SF3B3: variants seen among roughly 807,000 people sequenced by gnomAD.
SF3B3 encodes SAP 130.
Under a neutral mutation model 139.2 loss-of-function variants are expected in SF3B3, and 33 were observed. The observed-to-expected ratio is 0.24, with a 90% CI of 0.18 to 0.32. The LOEUF (loss-of-function observed/expected upper bound fraction) is 0.32. Ranked by LOEUF, SF3B3 falls within the 10% of genes least tolerant of loss-of-function variation. The pLI, the probability that SF3B3 is intolerant of heterozygous loss-of-function variation, is 1.00. For missense variants in SF3B3, 818 were observed against 1,509.4 expected (o/e 0.54, Z 7.59); for synonymous variants, 596 against 563.6 (o/e 1.06, Z -0.81).
At position 70,560,502 on chromosome 16, in the gene SF3B3, G is replaced by A; in HGVS notation, c.2044G>A (p.Val682Ile). The stretch of plus-strand genomic sequence containing the variant: ...GCTGCTGAGGACTGTCTTGGACCCT[G>A]TCACTGGGGATTTGTCTGATACTCG... ...GVLLRTVLDP[V>I]TGDLSDTRTR... Residue 682 changes from valine (V) to isoleucine (I), a missense_variant, in exon 16 of 26, where the codon GTC becomes ATC. By Grantham distance (29) the Val-to-Ile change is conservative. Transcript: ENST00000302516. The A allele has an allele frequency of 6.2e-7, 1 of 1,613,944 alleles. No homozygotes were observed. The highest frequency in any genetic ancestry group is 1.3e-5 in the African/African-American group (1 of 75,028).
chr16:70,552,506 G>C (rs1168667994), intron 11 of SF3B3, among the ~76,000 whole-genome samples: 4 of 152,156 alleles, frequency 2.6e-5, no homozygotes, highest in Non-Finnish European at 5.9e-5. Flanking sequence ...ATAGTGAGTA[G>C]TGCTTAGTCT....
Position 70,568,268 on chromosome 16 carries a change from CTT to C in SF3B3, c.2953-13_2953-12del. 6.3e-7 allele frequency: 1 copy of C among 1,590,240 alleles called. No homozygotes were observed. Among genetic ancestry groups the C allele is most frequent in the Non-Finnish European group, 8.6e-7 (1 of 1,158,578 alleles). The stretch of plus-strand genomic sequence containing the variant: ...AGATTACACCCACCATCACTATTGT[CTT>C]TGTTTTTCCCAGCATATTGCCAATT... On this transcript the variant is annotated splice_polypyrimidine_tract_variant and intron_variant, in intron 21 of 25. Coordinates refer to ENST00000302516, the MANE Select transcript of SF3B3 (RefSeq NM_012426.5).
At chr16:70,524,404 C>T (rs1025372890) in intron 1 of SF3B3, 2 of 152,432 alleles carry the variant, frequency 1.3e-5, no homozygotes, top group Non-Finnish European at 2.9e-5. Context: ...TAATGGAGGA[C>T]AGAGTTTAAA....
At chr16:70,528,459 G>A (rs2050086986) in intron 2 of SF3B3, among the ~76,000 whole-genome samples, 1 of 139,250 alleles carries the variant, frequency 7.2e-6, no homozygotes, top group Non-Finnish European at 1.5e-5. Flanking sequence ...GCCACTGTGC[G>A]TGGCCTTTTT....
intron 17 of SF3B3, among the ~76,000 whole-genome samples, chr16:70,562,442 T>G (rs1480928455): frequency 6.6e-6 from 1 of 152,218 alleles, no homozygotes; most frequent in Non-Finnish European, 1.5e-5. Context: ...AAAATTTCTT[T>G]GCAACAACTT....
chr16:70,570,300 C>T (rs2151795977), intron 24 of SF3B3, 151 bp downstream of exon 24: 7 of 563,038 alleles, frequency 1.2e-5, no homozygotes, highest in South Asian at 2.6e-5. Flanking sequence ...AGATAGGAAT[C>T]TTGATTCTCC....
In SF3B3 at chr16:70,535,360, T is replaced by C; in HGVS notation, c.765T>C (p.Tyr255=). 1 of 1,612,372 alleles carries C rather than the reference T, an allele frequency of 6.2e-7. No homozygotes were observed. The highest frequency in any genetic ancestry group is 8.5e-7 in the Non-Finnish European group (1 of 1,179,060). Residue 255 remains tyrosine, a synonymous_variant, in exon 6 of 26, where the codon TAT becomes TAC. Coordinates refer to ENST00000302516, the MANE Select transcript of SF3B3 (RefSeq NM_012426.5). ...GAGTACTGATCTGCTCTGAAAACTA[T>C]ATTACTTACAAGAACTTTGGTGACC... is the stretch of plus-strand genomic sequence containing the variant. ...PSGVLICSEN[Y]ITYKNFGDQP... is the part of the protein sequence containing the mutation.
At chr16:70,556,748 T>G in intron 14 of SF3B3, 138 bp from the exon 15 acceptor site, 1 of 830,680 alleles carries the variant, frequency 1.2e-6, no homozygotes, top group Non-Finnish European at 1.9e-6. Context: ...AACTCAGTAC[T>G]CTCTTAGAAC....
intron 11 of SF3B3, among the ~76,000 whole-genome samples, chr16:70,551,777 C>T (rs1243321928): frequency 6.6e-6 from 1 of 152,112 alleles, no homozygotes; most frequent in African/African-American, 2.4e-5. Flanking sequence ...CTCCTGAACT[C>T]AAATGATCCT....
chr16:70,556,668 T>G, intron 14 of SF3B3: 1 of 616,046 alleles, frequency 1.6e-6, no homozygotes, highest in Non-Finnish European at 2.8e-6. Context: ...ACCTTTGCCA[T>G]TATCTTCTTT....
chr16:70,524,035 G>C (rs1357416447), intron 1 of SF3B3, 107 bp downstream of exon 1: 1 of 401,538 alleles, frequency 2.5e-6, no homozygotes, highest in African/African-American at 2.1e-5. Context: ...CTAGGCCCGA[G>C]AGGCTGGGGA....
chr16:70,556,085 C>T, intron 13 of SF3B3, 94 bp from the exon 14 acceptor site: 1 of 1,273,804 alleles, frequency 7.9e-7, no homozygotes, highest in Non-Finnish European at 1.1e-6. Context: ...CAACAGCCCT[C>T]CTTCATTCTC....
chr16:70,532,365 A>AAAAAAAAAAAAAAAAAAAAAG (rs1159104206), intron 4 of SF3B3, 114 bp from the exon 5 acceptor site: 1 of 832,700 alleles, frequency 1.2e-6, no homozygotes, highest in African/African-American at 1.9e-5. Flanking sequence ...TCCAAAAAAA[A>AAAAAAAAAAAAAAAAAAAAAG]AAGAAGACAT....
chr16:70,529,238 A>G (rs771244721), intron 3 of SF3B3, 39 bp downstream of exon 3: 5 of 1,526,316 alleles, frequency 3.3e-6, no homozygotes, highest in Non-Finnish European at 4.5e-6. Context: ...TGCCTAGTTT[A>G]GGATAACAAT....
intron 23 of SF3B3, among the ~76,000 whole-genome samples, chr16:70,569,707 G>A (rs2050510222): frequency 6.6e-6 from 1 of 152,114 alleles, no homozygotes; most frequent in South Asian, 2.1e-4. Flanking sequence ...ACAGATCACT[G>A]CAGCTTCCAC....
intron 15 of SF3B3, among the ~76,000 whole-genome samples, chr16:70,558,081 A>G (rs2050394757): frequency 6.6e-6 from 1 of 152,108 alleles, no homozygotes; most frequent in Non-Finnish European, 1.5e-5. Context: ...ACAAGATCAG[A>G]TCATTTGTCT....
At position 70,536,595 on chromosome 16, in the gene SF3B3, G is replaced by A. The variant is rs556813791; in HGVS notation, c.825+1175G>A. ...ACCGTGATCTCAATTTCCTGACCTC[G>A]TGATCTGCCCGCCTCGGCCTCCCAA... On this transcript the variant is annotated intron_variant, in intron 6 of 25. Transcript: ENST00000302516. Among the ~76,000 whole-genome samples, 6 of 150,924 alleles carry A rather than the reference G, an allele frequency of 4.0e-5. No individual in the cohort carries two copies. In the South Asian group the frequency reaches 1.0e-3, roughly 26 times the overall value.
In SF3B3 at chr16:70,542,877, A is replaced by G. The variant is rs150937994; in HGVS notation, c.1233+1043A>G. Among the ~76,000 whole-genome samples, 794 of 151,784 alleles carry G rather than the reference A, an allele frequency of 5.2e-3. 5 individuals are homozygous for G. The highest frequency in any genetic ancestry group is 0.018 in the African/African-American group (761 of 41,400). Reference sequence around the variant, plus strand: ...GCTGGGACTACAAGCGCCCGCCACCATGCCCAGCTAATTTTTTGTATTTTT... The same window carrying G: ...GCTGGGACTACAAGCGCCCGCCACCGTGCCCAGCTAATTTTTTGTATTTTT... On this transcript the variant is annotated intron_variant, in intron 9 of 25. Transcript: ENST00000302516.
chr16:70,561,128 G>A (rs1401791890), intron 16 of SF3B3, among the ~76,000 whole-genome samples: 1 of 152,030 alleles, frequency 6.6e-6, no homozygotes, highest in Non-Finnish European at 1.5e-5. Flanking sequence ...TCAACCAATT[G>A]TCTTTCCTCA....
Sources: gnomAD v4.1 joint callset for allele counts (sites outside exome capture counted in the v4.1 genomes callset) on GRCh38, gnomAD v4.1.1 for gene constraint, MANE v1.5 for transcripts, NCBI Gene and HGNC (gene_info 2026-07-23, HGNC 2026-07-21) for gene names.